Variants in PRELID2 observed in about 807,000 individuals in gnomAD.
The protein encoded by PRELID2 is PRELI domain-containing protein 2.
In PRELID2, 25 loss-of-function variants were observed where a neutral mutation model predicts 28.4. The observed-to-expected ratio is 0.88, with a 90% CI of 0.64 to 1.23. The LOEUF (loss-of-function observed/expected upper bound fraction) is 1.23. Among genes scored for constraint, PRELID2 ranks in the 50% most tolerant of loss-of-function variants. The pLI is 0.00. For synonymous variants in PRELID2, 76 were observed against 71.6 expected (o/e 1.06, Z -0.31); for missense variants, 201 against 214.4 (o/e 0.94, Z 0.39).
the PRELID2 span, among the ~76,000 whole-genome samples, chr5:145,357,808 A>G: frequency 6.6e-6 from 1 of 152,212 alleles, no homozygotes; most frequent in East Asian, 1.9e-4. Flanking sequence ...GTTTGGAGTT[A>G]AAAAAACACT....
At chr5:145,797,170 TAA>T (rs1470304759) in intron 4 of PRELID2, among the ~76,000 whole-genome samples, 1 of 152,104 alleles carries the variant, frequency 6.6e-6, no homozygotes, top group African/African-American at 2.4e-5. Flanking sequence ...AGATTACACT[TAA>T]GAGTGATAGA....
In PRELID2 at chr5:145,544,950, G is replaced by A. The variant is rs574232923; in HGVS notation, n.71-71635C>T. On this transcript the variant is annotated intron_variant and non_coding_transcript_variant, in intron 1 of 2. Coordinates refer to the PRELID2 transcript ENST00000510259. The stretch of plus-strand genomic sequence containing the variant: ...CTTTAGTTGCATTCAATTCCAGCAC[G>A]GGTGTTCATGTCAAGTCGAATTTTT... Among the ~76,000 whole-genome samples, 631 of 152,114 alleles carry A rather than the reference G, an allele frequency of 4.1e-3. 2 individuals are homozygous for A. The highest frequency in any genetic ancestry group is 6.5e-3 in the Non-Finnish European group (445 of 67,976).
the PRELID2 span, among the ~76,000 whole-genome samples, chr5:145,251,455 G>A: frequency 6.2e-4 from 93 of 149,660 alleles, no homozygotes; most frequent in African/African-American, 2.3e-3. Flanking sequence ...GCTCTCAGGG[G>A]TCTTGATCTC....
At chr5:145,659,370 A>G (rs1293990505) in intron 1 of PRELID2, among the ~76,000 whole-genome samples, 3 of 152,242 alleles carry the variant, frequency 2.0e-5, no homozygotes, top group Non-Finnish European at 4.4e-5. Flanking sequence ...CCCTATGTGT[A>G]CATTTATTTC....
At chr5:145,256,611 A>T in the PRELID2 span, among the ~76,000 whole-genome samples, 3 of 151,996 alleles carry the variant, frequency 2.0e-5, no homozygotes, top group African/African-American at 7.3e-5. Context: ...CCTACCACTG[A>T]TGTGTGTTCA....
chr5:145,726,886 T>C (rs1756182758), intron 1 of PRELID2, among the ~76,000 whole-genome samples: 1 of 152,150 alleles, frequency 6.6e-6, no homozygotes, highest in South Asian at 2.1e-4. Flanking sequence ...GAAGCTTCTG[T>C]CTGGAAGTAA....
the PRELID2 span, among the ~76,000 whole-genome samples, chr5:145,308,118 T>A: frequency 6.6e-6 from 1 of 152,302 alleles, no homozygotes; most frequent in African/African-American, 2.4e-5. Flanking sequence ...TGAGCCATTA[T>A]CAGACTGAGA....
chr5:145,531,385 A>G (rs911291033), intron 1 of PRELID2, among the ~76,000 whole-genome samples: 2 of 152,186 alleles, frequency 1.3e-5, no homozygotes, highest in Admixed American at 6.5e-5. Context: ...ACTTCTGGCT[A>G]GTGTCAAAAG....
At chr5:145,761,332 C>T (rs997155451) in intron 6 of PRELID2, among the ~76,000 whole-genome samples, 12 of 152,144 alleles carry the variant, frequency 7.9e-5, no homozygotes, top group South Asian at 2.1e-4. Context: ...ATTGTGTACG[C>T]GCATTGGAAC....
chr5:145,436,613 T>C, the PRELID2 span, among the ~76,000 whole-genome samples: 2 of 152,154 alleles, frequency 1.3e-5, no homozygotes, highest in Non-Finnish European at 2.9e-5. Flanking sequence ...TGTTTTTGTT[T>C]TTTACGTTTT....
At chr5:145,424,477 C>T in the PRELID2 span, among the ~76,000 whole-genome samples, 27 of 152,298 alleles carry the variant, frequency 1.8e-4, no homozygotes, top group Admixed American at 1.6e-3. Flanking sequence ...GCGCAGTATT[C>T]GGGTGGGAGT....
chr5:145,448,253 G>A, the PRELID2 span, among the ~76,000 whole-genome samples: 2 of 151,464 alleles, frequency 1.3e-5, no homozygotes, highest in South Asian at 4.2e-4. Flanking sequence ...TGTGTTTTTT[G>A]GCTGCATAAA....
At chr5:145,751,425 A>G (rs763289008), downstream of PRELID2, among the ~76,000 whole-genome samples, 6 of 152,214 alleles carry the variant, frequency 3.9e-5, no homozygotes, top group Non-Finnish European at 7.3e-5. Flanking sequence ...GCATTTGGCA[A>G]TGTACTGATC....
At chr5:145,258,616 G>A in the PRELID2 span, among the ~76,000 whole-genome samples, 1 of 152,274 alleles carries the variant, frequency 6.6e-6, no homozygotes, top group African/African-American at 2.4e-5. Flanking sequence ...CATTCAAGAT[G>A]TCACCTGGGT....
At chr5:145,380,300 C>G in the PRELID2 span, among the ~76,000 whole-genome samples, 1 of 152,198 alleles carries the variant, frequency 6.6e-6, no homozygotes, top group Non-Finnish European at 1.5e-5. Flanking sequence ...GCATTCCCAG[C>G]TTTCTCCCCC....
At chr5:145,811,106 A>C (rs1380404638) in intron 4 of PRELID2, among the ~76,000 whole-genome samples, 3 of 147,368 alleles carry the variant, frequency 2.0e-5, no homozygotes, top group African/African-American at 5.2e-5. Flanking sequence ...AAAAAAAAAA[A>C]AAAAAAAAAA....
At chr5:145,714,190 G>T (rs1755781394) in intron 1 of PRELID2, among the ~76,000 whole-genome samples, 1 of 152,068 alleles carries the variant, frequency 6.6e-6, no homozygotes, top group Non-Finnish European at 1.5e-5. Context: ...CTCCTCTGTG[G>T]TGTTTGGTCA....
chr5:145,655,533 T>A (rs1203381343), intron 1 of PRELID2, among the ~76,000 whole-genome samples: 5 of 152,300 alleles, frequency 3.3e-5, no homozygotes, highest in East Asian at 3.9e-4. Flanking sequence ...AACAGCACGG[T>A]ACTGGTAACA....
intron 1 of PRELID2, among the ~76,000 whole-genome samples, chr5:145,538,817 T>C (rs1008418409): frequency 1.3e-5 from 2 of 151,906 alleles, no homozygotes; most frequent in African/African-American, 2.4e-5. Flanking sequence ...AGTTTATTGA[T>C]ATGAGGACAT....
Sources: allele counts gnomAD v4.1 joint callset (sites outside exome capture counted in the v4.1 genomes callset), GRCh38; gene constraint gnomAD v4.1.1; transcripts MANE v1.5; gene names NCBI Gene and HGNC (gene_info 2026-07-23, HGNC 2026-07-21).